PTPRC: variants seen among roughly 807,000 people sequenced by gnomAD.
PTPRC encodes receptor-type tyrosine-protein phosphatase C.
Under a neutral mutation model 155.9 loss-of-function variants are expected in PTPRC, and 44 were observed. The observed-to-expected ratio is 0.28, with a 90% confidence interval of 0.22 to 0.36. PTPRC has a LOEUF of 0.36. PTPRC is among the 10% of genes least tolerant of loss of function. PTPRC has a pLI of 1.00. For synonymous variants in PTPRC, 525 were observed against 533.1 expected (o/e 0.98, Z 0.21); for missense variants, 1,401 against 1,564.6 (o/e 0.90, Z 1.76).
Position 198,661,031 on chromosome 1 carries a change from A to G in PTPRC, c.73+21690A>G, listed in dbSNP as rs1240580150. ...AATGTATATATATCCCTCTTACCACACACACTCACTGAATATTTTCTAAAA... is the reference window on the plus strand; with the variant it reads ...AATGTATATATATCCCTCTTACCACGCACACTCACTGAATATTTTCTAAAA... On this transcript the variant is annotated intron_variant, in intron 2 of 32. Transcript: ENST00000442510. Among the ~76,000 whole-genome samples the G allele has an allele frequency of 4.6e-5, 7 of 152,238 alleles. No individual in the cohort carries two copies. The East Asian group carries it at 1.4e-3, about 29-fold the overall frequency.
chr1:198,755,810 C>A (rs1655619212), intron 32 of PTPRC, 96 bp from the exon 33 acceptor site: 1 of 1,319,890 alleles, frequency 7.6e-7, no homozygotes, highest in Non-Finnish European at 1.1e-6. Context: ...CCAATACTTC[C>A]ACAAATAAAT....
intron 2 of PTPRC, among the ~76,000 whole-genome samples, chr1:198,682,235 A>C (rs760039962): frequency 6.6e-6 from 1 of 152,208 alleles, no homozygotes; most frequent in Non-Finnish European, 1.5e-5. Flanking sequence ...GTTTCTGTTC[A>C]GAGTTTTCAT....
At chr1:198,683,277 T>C (rs1665442302) in intron 2 of PTPRC, among the ~76,000 whole-genome samples, 1 of 152,150 alleles carries the variant, frequency 6.6e-6, no homozygotes, top group Admixed American at 6.5e-5. Flanking sequence ...TAGCACCAAA[T>C]ACACTAATAA....
At position 198,708,277 on chromosome 1, in the gene PTPRC, T is replaced by C. The variant is rs369473239; in HGVS notation, c.1033+16T>C. The C allele has an allele frequency of 3.6e-4, 583 of 1,598,880 alleles. 7 individuals are homozygous for C. The South Asian group carries it at 5.9e-3, about 16-fold the overall frequency. ...TTTCAGTGTGGTAAGAATATAACAT[T>C]GACCAGAGAATTTTTTTTTGTGGCA... On this transcript the variant is annotated intron_variant, in intron 10 of 32. Coordinates refer to ENST00000442510, the MANE Select transcript of PTPRC (RefSeq NM_002838.5).
chr1:198,655,198 T>A (rs1200083269), intron 2 of PTPRC, among the ~76,000 whole-genome samples: 1 of 151,854 alleles, frequency 6.6e-6, no homozygotes, highest in Non-Finnish European at 1.5e-5. Flanking sequence ...ACATATTTCC[T>A]GCTTTTATTT....
intron 23 of PTPRC, among the ~76,000 whole-genome samples, chr1:198,739,632 G>A (rs1161153710): frequency 6.6e-6 from 1 of 151,738 alleles, no homozygotes; most frequent in African/African-American, 2.4e-5. Context: ...AATAATAGTT[G>A]GAGACTTCAA....
intron 2 of PTPRC, among the ~76,000 whole-genome samples, chr1:198,639,968 T>C (rs1039295010): frequency 2.0e-5 from 3 of 152,078 alleles, no homozygotes; most frequent in Non-Finnish European, 4.4e-5. Flanking sequence ...AATACATTTT[T>C]GCTTTAGAAA....
chr1:198,728,553 G>C, intron 16 of PTPRC, 105 bp downstream of exon 16: 1 of 1,394,374 alleles, frequency 7.2e-7, no homozygotes, highest in Non-Finnish European at 9.7e-7. Context: ...ATGTGAACTA[G>C]AGAGAAGACA....
intron 16 of PTPRC, 52 bp downstream of exon 16, chr1:198,728,500 A>G: frequency 6.3e-7 from 1 of 1,592,790 alleles, no homozygotes; most frequent in Non-Finnish European, 8.5e-7. Context: ...TAATGGTGCA[A>G]ACGCATATCC....
intron 2 of PTPRC, among the ~76,000 whole-genome samples, chr1:198,653,552 C>T (rs1049193033): frequency 2.0e-5 from 3 of 151,726 alleles, no homozygotes; most frequent in African/African-American, 7.3e-5. Context: ...TTAATCTATT[C>T]TATAAACATC....
chr1:198,695,024 C>T (rs183709772), intron 3 of PTPRC: 70 of 951,884 alleles, frequency 7.4e-5, no homozygotes, highest in Admixed American at 3.7e-4. Flanking sequence ...CATAACAAGT[C>T]TATGATCATT....
chr1:198,684,477 A>G (rs1334881021), intron 2 of PTPRC, among the ~76,000 whole-genome samples: 1 of 151,808 alleles, frequency 6.6e-6, no homozygotes, highest in Admixed American at 6.6e-5. Flanking sequence ...TTTATCCTCA[A>G]TACTGCTTTA....
intron 3 of PTPRC, 189 bp downstream of exon 3, chr1:198,692,562 A>C: frequency 9.5e-7 from 1 of 1,050,662 alleles, no homozygotes; most frequent in Non-Finnish European, 1.2e-6. Flanking sequence ...ATAACTACCT[A>C]AACATGTTAT....
In PTPRC at chr1:198,732,372, T is replaced by C. The variant is rs1272096027; in HGVS notation, c.2047T>C (p.Tyr683His). 6.2e-7 allele frequency: 1 copy of C among 1,611,952 alleles called. No individual in the cohort carries two copies. Among genetic ancestry groups the C allele is most frequent in the Non-Finnish European group, 8.5e-7 (1 of 1,178,508 alleles). ...RKPFNQNKNR[Y>H]VDILPYDYNR... The stretch of plus-strand genomic sequence containing the variant: ...GCCCTTTAACCAGAATAAAAACCGT[T>C]ATGTTGACATTCTTCCTTGTGAGTA... Residue 683 changes from tyrosine to histidine, a missense_variant, in exon 19 of 33, where the codon TAT (tyrosine) becomes CAT (histidine). Physicochemically the swap from Tyr to His is moderately conservative, Grantham distance 83. This residue lies in a region of PTPRC where 867 missense variants were observed against 970.4 expected (regional missense o/e 0.89). Coordinates refer to ENST00000442510, the MANE Select transcript of PTPRC (RefSeq NM_002838.5).
intron 22 of PTPRC, among the ~76,000 whole-genome samples, chr1:198,734,713 C>CTGTT (rs1232961754): frequency 6.6e-6 from 1 of 151,712 alleles, no homozygotes; most frequent in African/African-American, 2.4e-5. Context: ...GTATATTTCA[C>CTGTT]TGTTTTAACT....
intron 26 of PTPRC, among the ~76,000 whole-genome samples, chr1:198,747,734 G>A (rs1655198115): frequency 6.6e-6 from 1 of 151,876 alleles, no homozygotes; most frequent in Admixed American, 6.6e-5. Context: ...CTAAGAATGT[G>A]TTGTCTCCAA....
intron 20 of PTPRC, among the ~76,000 whole-genome samples, chr1:198,733,559 G>A (rs1369003020): frequency 1.3e-5 from 2 of 151,782 alleles, no homozygotes; most frequent in Admixed American, 1.3e-4. Context: ...AGTTACTGAG[G>A]TGAATTTAGG....
chr1:198,731,674 C>T lies in PTPRC; in HGVS notation c.1922C>T (p.Thr641Ile). ...EPIHADILLE[T>I]YKRKIADEGR... ...ATCCATGCAGATATTTTGTTGGAAA[C>T]TTATAAGAGGAAGATTGCTGATGAA... The change falls in exon 18 of 33, where the codon ACT becomes ATT. Residue 641 changes from threonine to isoleucine, a missense_variant. Physicochemically the swap from Thr to Ile is moderately conservative, Grantham distance 89 (BLOSUM62 -1). This residue lies in a region of PTPRC where 867 missense variants were observed against 970.4 expected (regional missense o/e 0.89). Transcript: ENST00000442510. The T allele has an allele frequency of 6.2e-7, 1 of 1,611,794 alleles. No homozygotes were observed. Among genetic ancestry groups the T allele is most frequent in the African/African-American group, 1.3e-5 (1 of 74,882 alleles).
intron 17 of PTPRC, 148 bp from the exon 18 acceptor site, chr1:198,731,469 G>T: frequency 1.5e-6 from 1 of 649,714 alleles, no homozygotes; most frequent in Non-Finnish European, 2.8e-6. Context: ...ATAGGTAAAT[G>T]TTTGTATGTG....
Sources: gnomAD v4.1 joint callset for allele counts (sites outside exome capture counted in the v4.1 genomes callset) on GRCh38, gnomAD v4.1.1 for gene constraint, gnomAD v4.1.1 regional missense constraint, MANE v1.5 for transcripts, NCBI Gene and HGNC (gene_info 2026-07-23, HGNC 2026-07-21) for gene names.